GABRB3: variants seen among roughly 807,000 people sequenced by gnomAD.
GABRB3 encodes gamma-aminobutyric acid type A receptor subunit beta3, also known as gamma-aminobutyric acid receptor subunit beta-3.
Under a neutral mutation model 52.1 loss-of-function variants are expected in GABRB3, and 14 were observed. The observed-to-expected ratio is 0.27, with a 90% confidence interval of 0.18 to 0.42. GABRB3 has a LOEUF of 0.42. Among genes scored for constraint, GABRB3 ranks in the 10% least tolerant of loss-of-function variants. The pLI is 1.00. For synonymous variants in GABRB3, 260 were observed against 232.3 expected, an observed-to-expected ratio of 1.12 and a Z score of -1.08; for missense variants, 307 against 609.1, an observed-to-expected ratio of 0.50 and a Z score of 5.22.
intron 3 of GABRB3, among the ~76,000 whole-genome samples, chr15:26,696,347 A>C (rs1888738198): frequency 6.6e-6 from 1 of 152,018 alleles, no homozygotes; most frequent in Non-Finnish European, 1.5e-5. Context: ...ACACCTTTTT[A>C]AGATAGGTAC....
Position 26,543,626 on chromosome 15 carries a change from C to T in GABRB3, c.*4167G>A, listed in dbSNP as rs1889113496. The T allele has an allele frequency of 6.6e-6, 1 of 152,544 alleles. No individual in the cohort carries two copies. Among genetic ancestry groups the T allele is most frequent in the South Asian group, 2.1e-4 (1 of 4,828 alleles). The allele number at this position is 152,544 out of a possible 1,614,324, so 9.4% of individuals were successfully genotyped here. A position where few individuals can be genotyped will look rare whatever the true frequency, so the allele number is the denominator to read the frequency against. ...ATATTGTATCTATCACTCAATTTTG[C>T]TGTTTTTTCATGTCAAATAATACCA... is the stretch of plus-strand genomic sequence containing the variant. On this transcript the variant is annotated 3_prime_UTR_variant, in exon 9 of 9. Transcript: ENST00000311550.
At chr15:26,565,431 T>A (rs1595444067) in intron 7 of GABRB3, among the ~76,000 whole-genome samples, 1 of 152,138 alleles carries the variant, frequency 6.6e-6, no homozygotes, top group East Asian at 1.9e-4. Context: ...CTAGTGAATA[T>A]CCCCTTCACT....
chr15:26,653,152 C>T lies in GABRB3; in HGVS notation c.241-31618G>A, dbSNP rs553597844. 2.0e-5 allele frequency among the ~76,000 whole-genome samples: 3 copies of T among 152,250 alleles called. No individual in the cohort carries two copies. The South Asian group carries it at 6.2e-4, about 32-fold the overall frequency. ...ACTTTAAAATAAGATGGATAACAGA[C>T]CTTTCCCAAAACAAACCCCCTTCTT... is the stretch of plus-strand genomic sequence containing the variant. On this transcript the variant is annotated intron_variant, in intron 3 of 8. Coordinates refer to ENST00000311550, the MANE Select transcript of GABRB3 (RefSeq NM_000814.6).
At chr15:26,669,697 A>G (rs1467459532) in intron 3 of GABRB3, among the ~76,000 whole-genome samples, 1 of 150,876 alleles carries the variant, frequency 6.6e-6, no homozygotes, top group Non-Finnish European at 1.5e-5. Context: ...CCTTTCTTTG[A>G]CCTTTTCTCT....
chr15:26,725,800 T>C (rs1181516095), intron 3 of GABRB3, among the ~76,000 whole-genome samples: 2 of 152,236 alleles, frequency 1.3e-5, no homozygotes, highest in East Asian at 3.9e-4. Flanking sequence ...AAGGCAATCA[T>C]GTATAACATT....
chr15:26,673,446 C>T (rs1197782328), intron 3 of GABRB3, among the ~76,000 whole-genome samples: 2 of 152,196 alleles, frequency 1.3e-5, no homozygotes, highest in African/African-American at 4.8e-5. Context: ...CGGACAATGT[C>T]AGCAGCTGTA....
At position 26,693,265 on chromosome 15, in the gene GABRB3, T is replaced by C. The variant is rs549606644; in HGVS notation, c.241-71731A>G. ...GAAAATCCAAAGCACAGAAAGATTA[T>C]TGAGTTGCCTGAATTCACTCAGCTG... On this transcript the variant is annotated intron_variant, in intron 3 of 8. Transcript: ENST00000311550. Among the ~76,000 whole-genome samples, 102 of 152,336 alleles carry C rather than the reference T, an allele frequency of 6.7e-4. 1 individual carries two copies. The South Asian group carries it at 7.9e-3, about 12-fold the overall frequency.
At chr15:26,773,223 C>T (rs1247015995), upstream of GABRB3, 3 of 175,190 alleles carry the variant, frequency 1.7e-5, no homozygotes, top group African/African-American at 7.2e-5. Context: ...CGCACCCTGC[C>T]CTCCCCCACG....
intron 3 of GABRB3, among the ~76,000 whole-genome samples, chr15:26,655,049 G>T (rs1050955711): frequency 7.0e-4 from 107 of 152,176 alleles, no homozygotes; most frequent in African/African-American, 2.5e-3. Context: ...ACTGTTTATT[G>T]TAGAATGTTT....
chr15:26,727,539 AC>A (rs1314999023), intron 3 of GABRB3, among the ~76,000 whole-genome samples: 6 of 152,052 alleles, frequency 3.9e-5, no homozygotes, highest in African/African-American at 1.2e-4. Flanking sequence ...CTAAATGCTC[AC>A]CTAAGCTTAC....
At chr15:26,585,835 C>T (rs955971196) in intron 4 of GABRB3, among the ~76,000 whole-genome samples, 67 of 152,300 alleles carry the variant, frequency 4.4e-4, no homozygotes, top group African/African-American at 1.5e-3. Flanking sequence ...CAGACTCACA[C>T]CTTTCAACTC....
chr15:26,618,677 T>G (rs1892358845), intron 4 of GABRB3, among the ~76,000 whole-genome samples: 2 of 152,014 alleles, frequency 1.3e-5, no homozygotes, highest in Non-Finnish European at 2.9e-5. Context: ...GGGATCTAAT[T>G]AAACTAAAGA....
chr15:26,561,025 G>C lies in GABRB3; in HGVS notation c.987C>G (p.Tyr329Ter). The change falls in exon 8 of 9, where the codon TAC becomes TAG. Residue 329 changes from tyrosine (Y) to a stop codon, truncating the protein, a stop_gained. Coordinates refer to ENST00000311550, the MANE Select transcript of GABRB3 (RefSeq NM_000814.6). LOFTEE classifies it high-confidence loss of function. ...LALLEYAFVN[Y>*]IFFGRGPQRQ... ...TTTGAGGGCCTCTTCCAAAGAAAAT[G>C]TAGTTGACAAAGGCATACTCCAGAA... is the stretch of plus-strand genomic sequence containing the variant. 1 of 1,614,160 alleles carries C rather than the reference G, an allele frequency of 6.2e-7. No individual in the cohort carries two copies. The highest frequency in any genetic ancestry group is 8.5e-7 in the Non-Finnish European group (1 of 1,180,022).
At chr15:26,769,233 A>G (rs1891077960) in intron 3 of GABRB3, among the ~76,000 whole-genome samples, 1 of 152,214 alleles carries the variant, frequency 6.6e-6, no homozygotes, top group Non-Finnish European at 1.5e-5. Flanking sequence ...CTTGTTTTGA[A>G]CTTTGGTGAA....
chr15:26,635,007 T>G (rs1385481154), intron 3 of GABRB3, among the ~76,000 whole-genome samples: 8 of 6,146 alleles, frequency 1.3e-3, no homozygotes, highest in African/African-American at 1.8e-3. Context: ...TATATATATA[T>G]ATAATATATA....
chr15:26,676,546 A>G (rs1888075960), intron 3 of GABRB3, among the ~76,000 whole-genome samples: 1 of 152,202 alleles, frequency 6.6e-6, no homozygotes, highest in African/African-American at 2.4e-5. Flanking sequence ...TTTCTTTATA[A>G]GTGTTCAATT....
At chr15:26,659,488 C>T (rs770000883) in intron 3 of GABRB3, among the ~76,000 whole-genome samples, 1 of 152,074 alleles carries the variant, frequency 6.6e-6, no homozygotes, top group Non-Finnish European at 1.5e-5. Context: ...TGCCACTGCA[C>T]TCCAGCCTAG....
At chr15:26,573,515 G>A (rs1261475052) in intron 6 of GABRB3, among the ~76,000 whole-genome samples, 1 of 152,282 alleles carries the variant, frequency 6.6e-6, no homozygotes, top group Admixed American at 6.5e-5. Flanking sequence ...AAAGAACAGG[G>A]ATGTTTGTTT....
chr15:26,754,848 A>G (rs1340362003), intron 3 of GABRB3, among the ~76,000 whole-genome samples: 1 of 151,978 alleles, frequency 6.6e-6, no homozygotes, highest in South Asian at 2.1e-4. Context: ...GTTTCCCCAC[A>G]CTTTATTTCA....
Sources: gnomAD v4.1 joint callset for allele counts (sites outside exome capture counted in the v4.1 genomes callset) on GRCh38, gnomAD v4.1.1 for gene constraint, MANE v1.5 for transcripts, NCBI Gene and HGNC (gene_info 2026-07-23, HGNC 2026-07-21) for gene names.